The following ACSF3 variants were observed in gnomAD, a reference collection of about 807,000 sequenced individuals.
ACSF3 encodes malonate--CoA ligase ACSF3, mitochondrial.
A neutral mutation model predicts 53.2 loss-of-function variants in ACSF3; 78 were observed. The observed-to-expected ratio is 1.47, with a 90% CI of 1.22 to 1.77. The LOEUF is 1.77. ACSF3 is among the 40% of genes most tolerant of loss of function. The pLI is 0.00. For missense variants in ACSF3, 937 were observed against 771.1 expected (o/e 1.22, Z -2.55); for synonymous variants, 414 against 333.1 (o/e 1.24, Z -2.65).
chr16:89,145,868 C>G (rs1912837498), intron 9 of ACSF3, 70 bp from the exon 10 acceptor site: 1 of 1,333,850 alleles, frequency 7.5e-7, no homozygotes, highest in Non-Finnish European at 1.1e-6. Flanking sequence ...TCCTGTGTGT[C>G]CAGGCACTCT....
rs756416005 is a variant in ACSF3 at position 89,101,359 on chromosome 16, C to T, written c.666+12C>T. ...ACATCAGGGCTGTGGTGAGTGCCGCCTGGCGCCGTGATGGTTTCGGTGACC... is the reference window on the plus strand; with the variant it reads ...ACATCAGGGCTGTGGTGAGTGCCGCTTGGCGCCGTGATGGTTTCGGTGACC... On this transcript the variant is annotated intron_variant, in intron 3 of 10. Coordinates refer to ENST00000614302, the MANE Select transcript of ACSF3 (RefSeq NM_001243279.3). 53 of 1,569,140 alleles carry T rather than the reference C, an allele frequency of 3.4e-5. No individual in the cohort carries two copies. In the Middle Eastern group the frequency reaches 1.2e-3, roughly 36 times the overall value.
Position 89,100,910 on chromosome 16 carries a change from C to T in ACSF3, c.229C>T (p.Arg77Cys), listed in dbSNP as rs1356296805. 9.3e-6 allele frequency: 15 copies of T among 1,613,888 alleles called. No homozygotes were observed. The highest frequency in any genetic ancestry group is 2.2e-5 in the East Asian group (1 of 44,888). The change falls in exon 3 of 11, where the codon CGC becomes TGC. Residue 77 changes from arginine (R) to cysteine (C), a missense_variant. Physicochemically the swap from Arg to Cys is radical, Grantham distance 180. Transcript: ENST00000614302. ...CAGGGAGCTTTATTCCCGCAGCCTT[C>T]GCCTGTCCCAGGAGATCTGCAGGCT... Reference protein sequence around the residue: ...TYRELYSRSLRLSQEICRLCG... With the variant: ...TYRELYSRSLCLSQEICRLCG...
At chr16:89,126,925 A>G (rs976151319) in intron 7 of ACSF3, among the ~76,000 whole-genome samples, 1 of 152,190 alleles carries the variant, frequency 6.6e-6, no homozygotes, top group African/African-American at 2.4e-5. Context: ...ATTCCATTCT[A>G]TCTATAATGT....
chr16:89,103,148 G>T (rs1439053632), intron 4 of ACSF3, among the ~76,000 whole-genome samples: 1 of 152,256 alleles, frequency 6.6e-6, no homozygotes, highest in East Asian at 1.9e-4. Flanking sequence ...GTGCTCGTCT[G>T]TTGTGAGACT....
intron 6 of ACSF3, among the ~76,000 whole-genome samples, chr16:89,117,450 A>G (rs1045362636): frequency 2.0e-5 from 3 of 152,052 alleles, no homozygotes; most frequent in African/African-American, 7.3e-5. Context: ...AGAAGCTGAA[A>G]TCAGGAGCAG....
At chr16:89,114,757 C>G (rs1904784983) in intron 6 of ACSF3, 5 of 535,296 alleles carry the variant, frequency 9.3e-6, no homozygotes, top group African/African-American at 7.6e-5. Context: ...ATGGGAAGAA[C>G]AGCAATGCCT....
In ACSF3 at chr16:89,100,803, A is replaced by T. The variant is rs545886514; in HGVS notation, c.122A>T (p.Asp41Val). The T allele has an allele frequency of 1.9e-5, 30 of 1,612,664 alleles. No individual in the cohort carries two copies. The African/African-American group carries it at 3.9e-4, about 21-fold the overall frequency. ...LLHTAPVARS[D>V]RSAPVFTRAL... ...CACACAGCCCCAGTGGCCCGCTCGG[A>T]CAGGAGCGCCCCGGTGTTCACCCGT... Residue 41 changes from aspartate to valine, a missense_variant, in exon 3 of 11, where the codon GAC becomes GTC. Asp to Val is a radical substitution (Grantham distance 152). Transcript: ENST00000614302.
At chr16:89,125,983 C>A (rs918848742) in intron 7 of ACSF3, among the ~76,000 whole-genome samples, 1 of 151,912 alleles carries the variant, frequency 6.6e-6, no homozygotes, top group Non-Finnish European at 1.5e-5. Context: ...TCCGCAAACA[C>A]GGTATATCTC....
intron 5 of ACSF3, chr16:89,113,900 C>G: frequency 6.2e-6 from 2 of 321,330 alleles, no homozygotes; most frequent in Non-Finnish European, 1.2e-5. Context: ...AGCCTGCAAG[C>G]TGAGCCGGCT....
rs186583734 is a variant in ACSF3, at chr16:89,149,072, T to G, written c.1613+3023T>G. Reference sequence around the variant, plus strand: ...ATCTAAGTTCCGGTTTCAGGTCATCTCTTTGCTCATGCTTAACAAAAGCAA... The same window carrying G: ...ATCTAAGTTCCGGTTTCAGGTCATCGCTTTGCTCATGCTTAACAAAAGCAA... On this transcript the variant is annotated intron_variant, in intron 10 of 10. Transcript: ENST00000614302. The G allele has an allele frequency of 1.8e-3, 271 of 152,362 alleles. 2 individuals carry two copies. Among genetic ancestry groups the G allele is most frequent in the African/African-American group, 6.2e-3 (257 of 41,576 alleles). 9.4% of individuals were successfully genotyped at this position (152,362 alleles called of 1,614,324 possible). A position where few individuals can be genotyped will look rare whatever the true frequency, so the allele number is the denominator to read the frequency against.
chr16:89,122,221 C>A (rs556944011), intron 7 of ACSF3, among the ~76,000 whole-genome samples: 143 of 142,458 alleles, frequency 1.0e-3, no homozygotes, highest in African/African-American at 3.2e-3. Flanking sequence ...GTGGCCGCAC[C>A]TTGTGTGGAG....
chr16:89,110,254 G>C (rs1016690926), intron 4 of ACSF3, among the ~76,000 whole-genome samples: 1 of 152,162 alleles, frequency 6.6e-6, no homozygotes, highest in Non-Finnish European at 1.5e-5. Flanking sequence ...ATTCCCTTTT[G>C]TTTTTTCTTA....
chr16:89,101,382 A>C, intron 3 of ACSF3, 35 bp downstream of exon 3: 1 of 1,554,800 alleles, frequency 6.4e-7, no homozygotes, highest in Non-Finnish European at 8.7e-7. Flanking sequence ...GGTTTCGGTG[A>C]CCGCACAGCA....
chr16:89,143,987 C>T (rs1022133738), intron 8 of ACSF3, among the ~76,000 whole-genome samples: 1 of 152,240 alleles, frequency 6.6e-6, no homozygotes, highest in African/African-American at 2.4e-5. Context: ...TGGAAGCAGA[C>T]AGTTGAGGCC....
At chr16:89,102,846 C>T in intron 4 of ACSF3, 87 bp downstream of exon 4, 1 of 1,556,406 alleles carries the variant, frequency 6.4e-7, no homozygotes, top group Non-Finnish European at 8.7e-7. Flanking sequence ...GCGCCCTCAG[C>T]CTAAGCGCCT....
chr16:89,128,329 T>C (rs1362929923), intron 7 of ACSF3, among the ~76,000 whole-genome samples: 1 of 151,856 alleles, frequency 6.6e-6, no homozygotes, highest in African/African-American at 2.4e-5. Flanking sequence ...GGCATGATCT[T>C]GGCTCACTGC....
At chr16:89,135,479 C>G (rs1174989161) in intron 8 of ACSF3, among the ~76,000 whole-genome samples, 1 of 152,274 alleles carries the variant, frequency 6.6e-6, no homozygotes, top group African/African-American at 2.4e-5. Flanking sequence ...ATAGGCTTCC[C>G]AAGGTACCCT....
In ACSF3 at chr16:89,102,663, C is replaced by T. The variant is rs377354800; in HGVS notation, c.726C>T (p.Leu242=). Residue 242 remains leucine (L), a synonymous_variant, in exon 4 of 11, where the codon CTC becomes CTT. Coordinates refer to ENST00000614302, the MANE Select transcript of ACSF3 (RefSeq NM_001243279.3). Reference sequence around the variant, plus strand: ...AAGACGACGTGATCCTCCACGTGCTCCCGCTGCACCACGTCCATGGTGTGG... The same window carrying T: ...AAGACGACGTGATCCTCCACGTGCTTCCGCTGCACCACGTCCATGGTGTGG... ...WTKDDVILHV[L]PLHHVHGVVN... 5.6e-6 allele frequency: 9 copies of T among 1,613,802 alleles called. No homozygotes were observed. The African/African-American group carries it at 1.1e-4, about 19-fold the overall frequency.
At chr16:89,137,445 CCCA>C (rs1910809858) in intron 8 of ACSF3, among the ~76,000 whole-genome samples, 3 of 131,608 alleles carry the variant, frequency 2.3e-5, no homozygotes, top group Non-Finnish European at 4.8e-5. Flanking sequence ...GGGGAAGAGC[CCCA>C]GGTCTCGGGA....
Sources: gnomAD v4.1 joint callset for allele counts (sites outside exome capture counted in the v4.1 genomes callset) on GRCh38, gnomAD v4.1.1 for gene constraint, MANE v1.5 for transcripts, NCBI Gene and HGNC (gene_info 2026-07-23, HGNC 2026-07-21) for gene names.